The following PDE1C variants were observed in gnomAD, a reference collection of about 807,000 sequenced individuals.
PDE1C encodes dual specificity calcium/calmodulin-dependent 3',5'-cyclic nucleotide phosphodiesterase 1C.
Under a neutral mutation model 93.1 loss-of-function variants are expected in PDE1C, and 62 were observed. That is an observed-to-expected ratio of 0.67 (90% CI 0.54 to 0.82). The LOEUF (loss-of-function observed/expected upper bound fraction) is 0.82, where lower values mean the gene tolerates loss of function less well. Ranked by LOEUF, PDE1C falls within the 40% of genes least tolerant of loss-of-function variation. PDE1C has a pLI of 0.00. For missense variants in PDE1C, 742 were observed against 884.6 expected, an observed-to-expected ratio of 0.84 and a Z score of 2.04; for synonymous variants, 325 against 310.1, an observed-to-expected ratio of 1.05 and a Z score of -0.50.
At chr7:32,403,744 C>T (rs952207974) in intron 1 of PDE1C, among the ~76,000 whole-genome samples, 3 of 152,162 alleles carry the variant, frequency 2.0e-5, no homozygotes, top group Non-Finnish European at 2.9e-5. Flanking sequence ...CTCCCTCAAT[C>T]GTCCTAAATT....
At chr7:31,960,117 C>T (rs1476621037) in intron 2 of PDE1C, among the ~76,000 whole-genome samples, 1 of 152,110 alleles carries the variant, frequency 6.6e-6, no homozygotes. Flanking sequence ...TCAGGTGATC[C>T]ACCCACCTTG....
upstream of PDE1C, among the ~76,000 whole-genome samples, chr7:32,300,360 G>A (rs1044235057): frequency 6.6e-6 from 1 of 152,174 alleles, no homozygotes; most frequent in Non-Finnish European, 1.5e-5. Context: ...TAATCACAAA[G>A]GCAACCAACA....
intron 2 of PDE1C, among the ~76,000 whole-genome samples, chr7:31,966,499 C>T (rs531684785): frequency 2.2e-4 from 33 of 151,166 alleles, no homozygotes; most frequent in Admixed American, 5.2e-4. Context: ...GACTCCCACA[C>T]AATAATAATG....
chr7:32,116,907 T>C (rs1193252338), intron 3 of PDE1C, among the ~76,000 whole-genome samples: 1 of 152,188 alleles, frequency 6.6e-6, no homozygotes, highest in Non-Finnish European at 1.5e-5. Context: ...CAGCACCCTA[T>C]AGACCATTTC....
the PDE1C span, chr7:31,642,332 C>G: frequency 5.0e-6 from 5 of 1,009,726 alleles, no homozygotes; most frequent in Non-Finnish European, 7.3e-6. Flanking sequence ...CAGGCTGCCA[C>G]CCAAACCTCA....
At chr7:32,052,042 T>C (rs557835401) in intron 1 of PDE1C, among the ~76,000 whole-genome samples, 10 of 152,292 alleles carry the variant, frequency 6.6e-5, no homozygotes, top group African/African-American at 2.4e-4. Flanking sequence ...GTTGTCACTA[T>C]CGTTACTATT....
At chr7:31,799,262 C>T (rs1785689755) in intron 16 of PDE1C, among the ~76,000 whole-genome samples, 1 of 151,684 alleles carries the variant, frequency 6.6e-6, no homozygotes, top group Admixed American at 6.6e-5. Context: ...CCCAGATCTG[C>T]AAAGCAGGGC....
At chr7:32,275,614 C>G (rs1811228898) in intron 1 of PDE1C, among the ~76,000 whole-genome samples, 1 of 151,992 alleles carries the variant, frequency 6.6e-6, no homozygotes, top group African/African-American at 2.4e-5. Flanking sequence ...TAAGACCTCC[C>G]CTACCTGAAA....
chr7:31,617,328 TTAAAGAA>T, the PDE1C span, among the ~76,000 whole-genome samples: 4 of 152,300 alleles, frequency 2.6e-5, no homozygotes, highest in Non-Finnish European at 5.9e-5. Context: ...TGATAAGCTA[TTAAAGAA>T]TAAGTGTTAA....
chr7:31,654,491 A>G, the PDE1C span, among the ~76,000 whole-genome samples: 1 of 152,160 alleles, frequency 6.6e-6, no homozygotes, highest in African/African-American at 2.4e-5. Flanking sequence ...TACGTTTTGA[A>G]GTCATGCTGG....
At chr7:32,051,604 T>C (rs1330045904) in intron 1 of PDE1C, 24 bp from the exon 2 acceptor site, 2 of 1,610,512 alleles carry the variant, frequency 1.2e-6, no homozygotes, top group Non-Finnish European at 1.7e-6. Flanking sequence ...CATAAACATA[T>C]ATCAGAAAAG....
rs1812708090 is a variant in PDE1C at position 32,297,996 on chromosome 7, TCC to T, written c.85+653_85+654del. Among the ~76,000 whole-genome samples the T allele has an allele frequency of 1.5e-4, 4 of 27,300 alleles. 1 individual carries two copies. The highest frequency in any genetic ancestry group is 6.4e-4 in the African/African-American group (4 of 6,230). The allele number at this position is 27,300 out of a possible 152,430, so 17.9% of individuals were successfully genotyped here. A position where few individuals can be genotyped will look rare whatever the true frequency, so the allele number is the denominator to read the frequency against. ...CTCTCTCTCTCTCTCTCTCTCTCTC[TCC>T]TCTCTCTCTCTCTCTCTCCCTCTCT... On this transcript the variant is annotated intron_variant, in intron 1 of 18. Transcript: ENST00000396193.
At chr7:31,623,613 T>C in the PDE1C span, among the ~76,000 whole-genome samples, 2 of 139,824 alleles carry the variant, frequency 1.4e-5, no homozygotes, top group African/African-American at 5.3e-5. Flanking sequence ...CTCAAAATAA[T>C]AAGAGCTATC....
intron 3 of PDE1C, among the ~76,000 whole-genome samples, chr7:32,131,672 TC>T (rs150833770): frequency 0.011 from 1,743 of 152,256 alleles, 19 homozygotes; most frequent in Non-Finnish European, 0.018. Flanking sequence ...GGGTCTATCT[TC>T]CCTCCTCTTG....
intron 4 of PDE1C, among the ~76,000 whole-genome samples, 157 bp from the exon 5 acceptor site, chr7:31,878,193 G>A (rs938721230): frequency 6.6e-6 from 1 of 152,126 alleles, no homozygotes; most frequent in Non-Finnish European, 1.5e-5. Context: ...ATTCACTCAG[G>A]TGGTCTAAGT....
At chr7:31,690,669 A>G in the PDE1C span, among the ~76,000 whole-genome samples, 1 of 152,246 alleles carries the variant, frequency 6.6e-6, no homozygotes, top group African/African-American at 2.4e-5. Flanking sequence ...TATTAGGCAC[A>G]TAAGAACAGC....
At chr7:32,020,097 G>T (rs1195231833) in intron 2 of PDE1C, among the ~76,000 whole-genome samples, 1 of 152,098 alleles carries the variant, frequency 6.6e-6, no homozygotes, top group Non-Finnish European at 1.5e-5. Context: ...CCCATGCCGG[G>T]ATCCCTCAGG....
chr7:31,655,186 A>G, the PDE1C span, among the ~76,000 whole-genome samples: 1 of 152,152 alleles, frequency 6.6e-6, no homozygotes, highest in Non-Finnish European at 1.5e-5. Context: ...TGACCTGGTC[A>G]TTGCCCCAAC....
chr7:32,034,616 G>A (rs907363442), intron 2 of PDE1C, among the ~76,000 whole-genome samples: 1 of 152,032 alleles, frequency 6.6e-6, no homozygotes, highest in African/African-American at 2.4e-5. Flanking sequence ...AATCTAAACA[G>A]GAATTAACCA....
Sources: gnomAD v4.1 joint callset for allele counts (sites outside exome capture counted in the v4.1 genomes callset) on GRCh38, gnomAD v4.1.1 for gene constraint, MANE v1.5 for transcripts, NCBI Gene and HGNC (gene_info 2026-07-23, HGNC 2026-07-21) for gene names.